CDC42BPG: variants seen among roughly 807,000 people sequenced by gnomAD.
CDC42BPG encodes the protein CDC42 binding protein kinase gamma.
In CDC42BPG, 157 loss-of-function variants were observed where a neutral mutation model predicts 192.2. The observed-to-expected ratio is 0.82, with a 90% CI of 0.72 to 0.93. CDC42BPG has a LOEUF of 0.93. CDC42BPG is among the 40% of genes least tolerant of loss of function. The pLI is 0.00. For missense variants in CDC42BPG, 1,992 were observed against 2,122.1 expected (o/e 0.94, Z 1.20); for synonymous variants, 981 against 918.5 (o/e 1.07, Z -1.23).
chr11:64,828,912 T>G (rs1942556521), intron 30 of CDC42BPG, among the ~76,000 whole-genome samples: 4 of 152,080 alleles, frequency 2.6e-5, no homozygotes, highest in Admixed American at 2.6e-4. Flanking sequence ...TAGCTGGGTG[T>G]GGTGGCGTGC....
chr11:64,831,283 A>G (rs975751241), intron 28 of CDC42BPG, among the ~76,000 whole-genome samples: 1 of 152,082 alleles, frequency 6.6e-6, no homozygotes, highest in Non-Finnish European at 1.5e-5. Flanking sequence ...TTTTGGAAAA[A>G]GCAGAAACTG....
intron 20 of CDC42BPG, 54 bp from the exon 21 acceptor site, chr11:64,834,031 G>A (rs1172152863): frequency 1.9e-6 from 3 of 1,608,940 alleles, no homozygotes; most frequent in Non-Finnish European, 2.6e-6. Flanking sequence ...AGGAACTAGG[G>A]TCCAGGAGGG....
intron 11 of CDC42BPG, 82 bp from the exon 12 acceptor site, chr11:64,836,612 C>T: frequency 7.2e-7 from 1 of 1,381,358 alleles, no homozygotes; most frequent in South Asian, 1.2e-5. Context: ...GGCCTGTTTC[C>T]CACACGCGGG....
chr11:64,843,733 C>T (rs1343103730), intron 1 of CDC42BPG, among the ~76,000 whole-genome samples: 4 of 152,242 alleles, frequency 2.6e-5, no homozygotes, highest in Non-Finnish European at 4.4e-5. Flanking sequence ...GGTACAGACC[C>T]ATCTCCAGCT....
In CDC42BPG at chr11:64,824,386, G is replaced by A. The variant is rs1033643234; in HGVS notation, c.*87C>T. The A allele has an allele frequency of 1.5e-5, 15 of 978,444 alleles. No individual in the cohort carries two copies. The highest frequency in any genetic ancestry group is 8.4e-5 in the Admixed American group (5 of 59,180). The allele number at this position is 978,444 out of a possible 1,614,324, so 60.6% of individuals were successfully genotyped here. A position where few individuals can be genotyped will look rare whatever the true frequency, so the allele number is the denominator to read the frequency against. On this transcript the variant is annotated 3_prime_UTR_variant, in exon 37 of 37. Coordinates refer to ENST00000342711, the MANE Select transcript of CDC42BPG (RefSeq NM_017525.3). ...CCCTGAGTCCGAATTTCCATGTCCC[G>A]GACCAGCCGGAGTATGGCATTCCTC...
intron 6 of CDC42BPG, 36 bp from the exon 7 acceptor site, chr11:64,839,269 T>C: frequency 6.2e-7 from 1 of 1,611,184 alleles, no homozygotes. Context: ...GAGGACAGCT[T>C]TGGGCTTGGC....
At chr11:64,838,977 C>T (rs1943151957) in intron 7 of CDC42BPG, 56 bp downstream of exon 7, 3 of 1,611,778 alleles carry the variant, frequency 1.9e-6, no homozygotes, top group South Asian at 2.2e-5. Flanking sequence ...CTTCCAACCA[C>T]ACAGACTCAG....
At position 64,842,940 on chromosome 11, in the gene CDC42BPG, G is replaced by A. The variant is rs527375042; in HGVS notation, c.161-1036C>T. 7.2e-5 allele frequency among the ~76,000 whole-genome samples: 11 copies of A among 152,276 alleles called. No homozygotes were observed. In the East Asian group the frequency reaches 2.1e-3, roughly 30 times the overall value. On this transcript the variant is annotated intron_variant, in intron 1 of 36. Coordinates refer to ENST00000342711, the MANE Select transcript of CDC42BPG (RefSeq NM_017525.3). ...GGTTTATCAGGCAGAAGCCCGCAGC[G>A]GGGGCGGGGTGGAAACCTCATTACA...
chr11:64,839,002 C>G (rs1943153486), intron 7 of CDC42BPG, 31 bp downstream of exon 7: 1 of 1,612,820 alleles, frequency 6.2e-7, no homozygotes, highest in Non-Finnish European at 8.5e-7. Context: ...CCCACTGCCC[C>G]CTCTGGAAGC....
In CDC42BPG at chr11:64,824,742, CT is replaced by C. The variant is rs1239455357; in HGVS notation, c.4600-214del. Reference sequence around the variant, plus strand: ...CTTAACTTTGAATGGACTCAAAGTCCTTTTTTTTTTCTTTTTTTCTGAGACA... The same window carrying C: ...CTTAACTTTGAATGGACTCAAAGTCCTTTTTTTTTCTTTTTTTCTGAGACA... On this transcript the variant is annotated intron_variant, in intron 36 of 36. Coordinates refer to ENST00000342711, the MANE Select transcript of CDC42BPG (RefSeq NM_017525.3). 6.7e-5 allele frequency among the ~76,000 whole-genome samples: 10 copies of C among 148,654 alleles called. No homozygotes were observed. In the East Asian group the frequency reaches 9.8e-4, roughly 15 times the overall value.
chr11:64,833,757 C>G lies in CDC42BPG; in HGVS notation c.2546G>C (p.Arg849Pro). ...CCTCACCCCCATGCGCAGGCTGCGT[C>G]GGCCCTCCGGCCTCAGATCTGGCTC... ...GGEPDLRPEG[R>P]RSLRMGAVFP... The change falls in exon 22 of 37, where the codon CGA becomes CCA. Residue 849 changes from arginine (R) to proline (P), a missense_variant. This residue lies in a region of CDC42BPG where 1,656 missense variants were observed against 1,844.3 expected (regional missense o/e 0.90). Coordinates refer to ENST00000342711, the MANE Select transcript of CDC42BPG (RefSeq NM_017525.3). 1 of 1,614,100 alleles carries G rather than the reference C, an allele frequency of 6.2e-7. No individual in the cohort carries two copies. The highest frequency in any genetic ancestry group is 8.5e-7 in the Non-Finnish European group (1 of 1,180,032).
Position 64,844,483 on chromosome 11 carries a change from C to G in CDC42BPG, c.87G>C (p.Leu29=). Residue 29 remains leucine (L), a synonymous_variant, in exon 1 of 37, where the codon CTG becomes CTC. Transcript: ENST00000342711. ...CPGLDGLLDL[L]LALHHELSSG... is the part of the protein sequence containing the mutation. ...TGCTGAGCTCGTGGTGCAGCGCCAG[C>G]AGCAGATCTAGGAGGCCGTCGAGCC... is the stretch of plus-strand genomic sequence containing the variant. 1 of 1,439,352 alleles carries G rather than the reference C, an allele frequency of 6.9e-7. No individual in the cohort carries two copies. The highest frequency in any genetic ancestry group is 9.1e-7 in the Non-Finnish European group (1 of 1,100,116). 89.2% of individuals were successfully genotyped at this position (1,439,352 alleles called of 1,614,324 possible). A position where few individuals can be genotyped will look rare whatever the true frequency, so the allele number is the denominator to read the frequency against.
chr11:64,824,172 G>A lies in CDC42BPG; in HGVS notation c.*301C>T. 4.4e-6 allele frequency: 2 copies of A among 450,126 alleles called. No homozygotes were observed. Among genetic ancestry groups the A allele is most frequent in the Admixed American group, 3.5e-5 (1 of 28,230 alleles). The allele number at this position is 450,126 out of a possible 1,614,324, so 27.9% of individuals were successfully genotyped here. On this transcript the variant is annotated 3_prime_UTR_variant, in exon 37 of 37. Coordinates refer to ENST00000342711, the MANE Select transcript of CDC42BPG (RefSeq NM_017525.3). Reference sequence around the variant, plus strand: ...ACTCTTACAAGCCTCTGGGGGCTTGGCACTGGAAATAAGAGCTTTGGCACA... The same window carrying A: ...ACTCTTACAAGCCTCTGGGGGCTTGACACTGGAAATAAGAGCTTTGGCACA...
intron 27 of CDC42BPG, 96 bp downstream of exon 27, chr11:64,832,332 C>A: frequency 7.7e-7 from 1 of 1,293,118 alleles, no homozygotes; most frequent in Non-Finnish European, 1.1e-6. Context: ...TGTGGGCTGG[C>A]CCAAGAGGGC....
chr11:64,826,528 G>C lies in CDC42BPG; in HGVS notation c.4541C>G (p.Ser1514Cys). 1.2e-6 allele frequency: 2 copies of C among 1,604,648 alleles called. No individual in the cohort carries two copies. Among genetic ancestry groups the C allele is most frequent in the South Asian group, 2.2e-5 (2 of 88,982 alleles). Residue 1514 changes from serine (S) to cysteine (C), a missense_variant, in exon 36 of 37, where the codon TCC (serine) becomes TGC (cysteine). This residue lies in a region of CDC42BPG where 336 missense variants were observed against 277.9 expected (regional missense o/e 1.21). Transcript: ENST00000342711. ...CTGGGGGCAGGACACAGACTCGCTG[G>C]ACAGGGATGTCCAGGGTTTCCTCTT... ...PMKRKPWTSLSSESVSCPQGS... is the reference protein window; with the variant it reads ...PMKRKPWTSLCSESVSCPQGS...
In CDC42BPG at chr11:64,844,611, C is replaced by T. The variant is rs958301392; in HGVS notation, c.-42G>A. The T allele has an allele frequency of 1.1e-5, 14 of 1,230,578 alleles. No homozygotes were observed. The African/African-American group carries it at 1.3e-4, about 11-fold the overall frequency. The allele number at this position is 1,230,578 out of a possible 1,614,324, so 76.2% of individuals were successfully genotyped here. The stretch of plus-strand genomic sequence containing the variant: ...TCGCTGCTCGGCTACAGTCTGGCCG[C>T]CCGCATGCCCGCCTGTCGGGCCGTC... On this transcript the variant is annotated 5_prime_UTR_variant, in exon 1 of 37. Coordinates refer to ENST00000342711, the MANE Select transcript of CDC42BPG (RefSeq NM_017525.3).
chr11:64,843,245 G>T (rs1943360111), intron 1 of CDC42BPG, among the ~76,000 whole-genome samples: 1 of 152,092 alleles, frequency 6.6e-6, no homozygotes, highest in African/African-American at 2.4e-5. Flanking sequence ...ATTGTCAACA[G>T]AGGGCCCCCA....
At position 64,832,461 on chromosome 11, in the gene CDC42BPG, A is replaced by G. The variant is rs932899858; in HGVS notation, c.3054T>C (p.His1018=). 6 of 1,613,974 alleles carry G rather than the reference A, an allele frequency of 3.7e-6. No homozygotes were observed. The highest frequency in any genetic ancestry group is 2.7e-5 in the African/African-American group (2 of 74,918). ...ATPVLASDVI[H]AQSRDLPRIF... ...TGCGTGGCAGGTCCCTGGATTGGGCATGGATAACATCAGAGGCCAGGACAG... is the reference window on the plus strand; with the variant it reads ...TGCGTGGCAGGTCCCTGGATTGGGCGTGGATAACATCAGAGGCCAGGACAG... Residue 1018 remains histidine, a synonymous_variant, in exon 27 of 37, where the codon CAT becomes CAC. Coordinates refer to ENST00000342711, the MANE Select transcript of CDC42BPG (RefSeq NM_017525.3).
Position 64,830,068 on chromosome 11 carries a change from T to A in CDC42BPG, c.3370A>T (p.Ile1124Phe). Residue 1124 changes from isoleucine (I) to phenylalanine (F), a missense_variant and splice_region_variant, in exon 30 of 37, where the codon ATC (isoleucine) becomes TTC (phenylalanine). By Grantham distance (21) the Ile-to-Phe change is conservative. Around this residue, in one of 2 missense-constraint regions of CDC42BPG, gnomAD observed 1,656 missense variants for 1,844.3 expected, o/e 0.90. Coordinates refer to ENST00000342711, the MANE Select transcript of CDC42BPG (RefSeq NM_017525.3). ...LFVIHLRSNDIFQVGECRRVQ... is the reference protein window; with the variant it reads ...LFVIHLRSNDFFQVGECRRVQ... ...CGCCGGCACTCCCCCACCTGGAAGA[T>A]GTCTGCAGGGTTGGCGAGGGGAGAG... 6.2e-7 allele frequency: 1 copy of A among 1,612,528 alleles called. No individual in the cohort carries two copies. The highest frequency in any genetic ancestry group is 8.5e-7 in the Non-Finnish European group (1 of 1,179,364).
Sources: gnomAD v4.1 joint callset for allele counts (sites outside exome capture counted in the v4.1 genomes callset) on GRCh38, gnomAD v4.1.1 for gene constraint, gnomAD v4.1.1 regional missense constraint, MANE v1.5 for transcripts, NCBI Gene and HGNC (gene_info 2026-07-23, HGNC 2026-07-21) for gene names.